HSPA13: variants seen among roughly 807,000 people sequenced by gnomAD.
HSPA13 encodes heat shock protein family A (Hsp70) member 13, also known as heat shock 70 kDa protein 13.
HSPA13 carries 29 observed loss-of-function variants against 38.8 expected under a neutral mutation model. The ratio of observed to expected loss-of-function variants is 0.75; its 90% confidence interval spans 0.56 to 1.02. The LOEUF (loss-of-function observed/expected upper bound fraction) is 1.02. Among genes scored for constraint, HSPA13 ranks in the 50% least tolerant of loss-of-function variants. HSPA13 has a pLI of 0.00. For missense variants in HSPA13, 451 were observed against 560.9 expected (o/e 0.80, Z 1.98); for synonymous variants, 192 against 205.3 (o/e 0.94, Z 0.56).
rs1984004890 is a variant in HSPA13 at position 14,375,739 on chromosome 21, C to T, written c.661G>A (p.Val221Ile). ...CCTCCGCCCAAGTCTATCACCAAGA[C>T]GTGGAAGACGTCAGCCTTGTGGAGA... ...YGLHKADVFH[V>I]LVIDLGGGTL... Residue 221 changes from valine (V) to isoleucine (I), a missense_variant, in exon 4 of 5, where the codon GTC becomes ATC. Coordinates refer to ENST00000285667, the MANE Select transcript of HSPA13 (RefSeq NM_006948.5). 7 of 1,614,030 alleles carry T rather than the reference C, an allele frequency of 4.3e-6. No individual in the cohort carries two copies. Among genetic ancestry groups the T allele is most frequent in the Non-Finnish European group, 5.9e-6 (7 of 1,179,914 alleles).
chr21:14,372,451 G>T lies in HSPA13; in HGVS notation c.*1166C>A, dbSNP rs1316984174. 2 of 152,056 alleles carry T rather than the reference G, an allele frequency of 1.3e-5. No individual in the cohort carries two copies. Among genetic ancestry groups the T allele is most frequent in the African/African-American group, 4.8e-5 (2 of 41,424 alleles). The allele number at this position is 152,056 out of a possible 1,614,324, so 9.4% of individuals were successfully genotyped here. On this transcript the variant is annotated 3_prime_UTR_variant, in exon 5 of 5. Coordinates refer to ENST00000285667, the MANE Select transcript of HSPA13 (RefSeq NM_006948.5). ...ACAACTCTGCTCCAAATGCCGATTT[G>T]TAGAAACCTTGCCACAATGGCTTCC...
chr21:14,373,033 T>C lies in HSPA13; in HGVS notation c.*584A>G, dbSNP rs1443016968. ...CATAAAACTCCTGGAGAATGCAGAT[T>C]ACAAGAATATGACACTTAACAGGAT... is the stretch of plus-strand genomic sequence containing the variant. On this transcript the variant is annotated 3_prime_UTR_variant, in exon 5 of 5. Coordinates refer to ENST00000285667, the MANE Select transcript of HSPA13 (RefSeq NM_006948.5). 6.6e-6 allele frequency: 1 copy of C among 152,352 alleles called. No homozygotes were observed. The highest frequency in any genetic ancestry group is 2.4e-5 in the African/African-American group (1 of 41,452). 9.4% of individuals were successfully genotyped at this position (152,352 alleles called of 1,614,324 possible). A position where few individuals can be genotyped will look rare whatever the true frequency, so the allele number is the denominator to read the frequency against.
rs1177795857 is a variant in HSPA13, at chr21:14,373,926, G to A, written c.1107C>T (p.Leu369=). ...AGAGGTCTTCATTAAGGGTATCAAAGAGTTTCCGTGATATTTCTGTTTCAA... is the reference window on the plus strand; with the variant it reads ...AGAGGTCTTCATTAAGGGTATCAAAAAGTTTCCGTGATATTTCTGTTTCAA... The part of the protein sequence containing the change: ...VLFETEISRK[L]FDTLNEDLFQ... The change falls in exon 5 of 5, where the codon CTC becomes CTT. Residue 369 remains leucine (L), a synonymous_variant. Transcript: ENST00000285667. 1 of 1,614,078 alleles carries A rather than the reference G, an allele frequency of 6.2e-7. No individual in the cohort carries two copies. Among genetic ancestry groups the A allele is most frequent in the Non-Finnish European group, 8.5e-7 (1 of 1,180,046 alleles).
intron 4 of HSPA13, 68 bp from the exon 5 acceptor site, chr21:14,374,352 T>C: frequency 9.1e-7 from 1 of 1,094,562 alleles, no homozygotes; most frequent in Non-Finnish European, 1.3e-6. Flanking sequence ...TATGTTATTA[T>C]GTATACGTAA....
At chr21:14,376,851 C>T (rs1045042908) in intron 3 of HSPA13, among the ~76,000 whole-genome samples, 1 of 152,194 alleles carries the variant, frequency 6.6e-6, no homozygotes, top group Admixed American at 6.5e-5. Context: ...TGAGGTTTGC[C>T]TGATCACCCT....
intron 2 of HSPA13, among the ~76,000 whole-genome samples, chr21:14,380,253 A>C (rs1984134529): frequency 6.6e-6 from 1 of 151,874 alleles, no homozygotes; most frequent in Admixed American, 6.5e-5. Context: ...TAAAACTTTG[A>C]CATCCAGCTC....
Position 14,378,368 on chromosome 21 carries a change from AT to A in HSPA13, c.410del (p.Asn137MetfsTer17). On this transcript the variant is annotated frameshift_variant, in exon 3 of 5. Coordinates refer to ENST00000285667, the MANE Select transcript of HSPA13 (RefSeq NM_006948.5). LOFTEE classifies it high-confidence loss of function. ...NGMVEFSVTSNETITVSPEYV... is the reference protein window; with the variant it reads ...NGMVEFSVTSXETITVSPEYV... The stretch of plus-strand genomic sequence containing the variant: ...ATTCTGGGGACACTGTGATGGTCTC[AT>A]TACTTGTCACAGAAAACTCAACCAT... The A allele has an allele frequency of 1.9e-6, 3 of 1,613,866 alleles. No individual in the cohort carries two copies. Among genetic ancestry groups the A allele is most frequent in the Non-Finnish European group, 1.7e-6 (2 of 1,179,734 alleles).
intron 2 of HSPA13, among the ~76,000 whole-genome samples, chr21:14,379,800 ACTGT>A (rs774707831): frequency 2.6e-5 from 4 of 152,148 alleles, no homozygotes; most frequent in Non-Finnish European, 4.4e-5. Context: ...CACTGATACA[ACTGT>A]CTATTTTGAA....
chr21:14,380,169 A>AG (rs944145625), intron 2 of HSPA13, among the ~76,000 whole-genome samples: 1 of 147,596 alleles, frequency 6.8e-6, no homozygotes, highest in African/African-American at 2.7e-5. Flanking sequence ...ACGTATTAAG[A>AG]GGGAAAAAAA....
chr21:14,374,316 T>C (rs1204290547), intron 4 of HSPA13, 32 bp from the exon 5 acceptor site: 9 of 1,500,592 alleles, frequency 6.0e-6, no homozygotes, highest in South Asian at 4.6e-5. Context: ...AATATAGTTA[T>C]GCATATATGT....
chr21:14,375,291 T>C (rs1013069190), intron 4 of HSPA13, among the ~76,000 whole-genome samples: 2 of 152,190 alleles, frequency 1.3e-5, no homozygotes, highest in Admixed American at 6.5e-5. Context: ...AATGTATTTA[T>C]GCGACTTATA....
chr21:14,382,998 G>A (rs1984211182), intron 1 of HSPA13, 97 bp downstream of exon 1: 7 of 1,389,346 alleles, frequency 5.0e-6, no homozygotes, highest in Non-Finnish European at 5.1e-6. Flanking sequence ...CGCTGCTCCA[G>A]CTAGATCCAG....
rs1478270401 is a variant in HSPA13, at chr21:14,371,405, A to C, written c.*2212T>G. On this transcript the variant is annotated 3_prime_UTR_variant, in exon 5 of 5. Transcript: ENST00000285667. ...CTAAATGTACAACTAAAGTTTATTA[A>C]TTTTTTTTATGAAAAGACTTCAGAT... 3 of 152,212 alleles carry C rather than the reference A, an allele frequency of 2.0e-5. No homozygotes were observed. Among genetic ancestry groups the C allele is most frequent in the Non-Finnish European group, 2.9e-5 (2 of 67,956 alleles). The allele number at this position is 152,212 out of a possible 1,614,324, so 9.4% of individuals were successfully genotyped here.
At chr21:14,375,928 T>A in intron 3 of HSPA13, 109 bp from the exon 4 acceptor site, 1 of 789,336 alleles carries the variant, frequency 1.3e-6, no homozygotes, top group African/African-American at 1.7e-5. Flanking sequence ...CACCACTGAG[T>A]AATAATGAGA....
intron 1 of HSPA13, 39 bp from the exon 2 acceptor site, chr21:14,381,582 C>A: frequency 6.7e-7 from 1 of 1,486,536 alleles, no homozygotes; most frequent in Non-Finnish European, 9.1e-7. Context: ...TTTTATCAAA[C>A]TAGTACAATG....
chr21:14,381,093 A>G (rs1030151676), intron 2 of HSPA13, 110 bp downstream of exon 2: 1 of 811,270 alleles, frequency 1.2e-6, no homozygotes, highest in African/African-American at 1.7e-5. Flanking sequence ...CAGAACTTTC[A>G]TGTATTAATA....
chr21:14,382,319 TA>T (rs907305285), intron 1 of HSPA13, among the ~76,000 whole-genome samples: 27 of 147,134 alleles, frequency 1.8e-4, no homozygotes, highest in African/African-American at 5.3e-4. Flanking sequence ...AATACTAATT[TA>T]AAAAAAAAAG....
rs751818232 is a variant in HSPA13 at position 14,374,026 on chromosome 21, G to A, written c.1007C>T (p.Ala336Val). ...CCCACTGTTCACGCGATGGTCATCTGCTGAGGAAAGTTTGTCTTTTGGCAG... is the reference window on the plus strand; with the variant it reads ...CCCACTGTTCACGCGATGGTCATCTACTGAGGAAAGTTTGTCTTTTGGCAG... ...TELPKDKLSS[A>V]DDHRVNSGFG... Residue 336 changes from alanine to valine, a missense_variant, in exon 5 of 5, where the codon GCA becomes GTA. Ala to Val is a moderately conservative substitution (Grantham distance 64, BLOSUM62 0). Transcript: ENST00000285667. 1 of 1,614,232 alleles carries A rather than the reference G, an allele frequency of 6.2e-7. No homozygotes were observed. The highest frequency in any genetic ancestry group is 2.2e-5 in the East Asian group (1 of 44,890).
chr21:14,374,027 C>T lies in HSPA13; in HGVS notation c.1006G>A (p.Ala336Thr), dbSNP rs201606671. 1.2e-6 allele frequency: 2 copies of T among 1,614,210 alleles called. No homozygotes were observed. The highest frequency in any genetic ancestry group is 1.7e-6 in the Non-Finnish European group (2 of 1,180,036). Residue 336 changes from alanine (A) to threonine (T), a missense_variant, in exon 5 of 5, where the codon GCA becomes ACA. Coordinates refer to ENST00000285667, the MANE Select transcript of HSPA13 (RefSeq NM_006948.5). ...CCACTGTTCACGCGATGGTCATCTG[C>T]TGAGGAAAGTTTGTCTTTTGGCAGT... ...TELPKDKLSS[A>T]DDHRVNSGFG...
Sources: gnomAD v4.1 joint callset for allele counts (sites outside exome capture counted in the v4.1 genomes callset) on GRCh38, gnomAD v4.1.1 for gene constraint, MANE v1.5 for transcripts, NCBI Gene and HGNC (gene_info 2026-07-23, HGNC 2026-07-21) for gene names.